LSAMP: variants seen among roughly 807,000 people sequenced by gnomAD.
LSAMP encodes the protein limbic system-associated membrane protein.
LSAMP carries 7 observed loss-of-function variants against 38.6 expected under a neutral mutation model. The observed-to-expected ratio is 0.18, with a 90% CI of 0.10 to 0.34. LSAMP has a LOEUF of 0.34. LSAMP is among the 10% of genes least tolerant of loss of function. The probability of loss-of-function intolerance (pLI) is 1.00; values close to 1 mark genes in which losing one functional copy is unlikely to be tolerated. For missense variants in LSAMP, 313 were observed against 420.0 expected (o/e 0.75, Z 2.23); for synonymous variants, 154 against 166.8 (o/e 0.92, Z 0.59).
chr3:115,834,559 G>A, intron 6 of LSAMP: 2 of 1,282,770 alleles, frequency 1.6e-6, no homozygotes, highest in Non-Finnish European at 2.0e-6. Flanking sequence ...AAATCATACT[G>A]ACCTTGAATG....
chr3:116,271,162 C>A (rs1034037359), intron 1 of LSAMP, among the ~76,000 whole-genome samples: 2 of 152,024 alleles, frequency 1.3e-5, no homozygotes, highest in Non-Finnish European at 2.9e-5. Flanking sequence ...AAACAGAATT[C>A]AGCTATTTCA....
At chr3:116,134,363 T>TA (rs1410761444) in intron 1 of LSAMP, among the ~76,000 whole-genome samples, 24 of 151,110 alleles carry the variant, frequency 1.6e-4, no homozygotes, top group Non-Finnish European at 2.2e-4. Flanking sequence ...AGAATTACCT[T>TA]AAAAAAAAAG....
intron 1 of LSAMP, among the ~76,000 whole-genome samples, chr3:116,208,944 G>A (rs1375205674): frequency 3.9e-5 from 6 of 152,210 alleles, no homozygotes; most frequent in South Asian, 2.1e-4. Context: ...GGAGCTTCCC[G>A]GCTGCTTTGT....
intron 3 of LSAMP, among the ~76,000 whole-genome samples, chr3:115,926,472 T>C (rs558084788): frequency 1.1e-4 from 16 of 152,336 alleles, no homozygotes; most frequent in Admixed American, 7.8e-4. Context: ...TGAGAACAGA[T>C]AAAATTTTTG....
chr3:116,103,549 C>T (rs1708395863), intron 1 of LSAMP, among the ~76,000 whole-genome samples: 2 of 143,392 alleles, frequency 1.4e-5, no homozygotes, highest in Admixed American at 6.8e-5. Flanking sequence ...CACTTCCTCT[C>T]ATTCCATCTT....
chr3:116,111,696 AC>A lies in LSAMP; in HGVS notation c.156-25141del, dbSNP rs372851712. ...GTATATTATTGCACAGATTTGCAAGACCATGTTTCTTTTCCGTTTCATTAAT... is the reference window on the plus strand; with the variant it reads ...GTATATTATTGCACAGATTTGCAAGACATGTTTCTTTTCCGTTTCATTAAT... On this transcript the variant is annotated intron_variant, in intron 1 of 6. Coordinates refer to ENST00000490035, the MANE Select transcript of LSAMP (RefSeq NM_002338.5). 3.9e-3 allele frequency among the ~76,000 whole-genome samples: 591 copies of A among 152,278 alleles called. 3 individuals carry two copies. The highest frequency in any genetic ancestry group is 0.014 in the African/African-American group (571 of 41,552).
intron 1 of LSAMP, among the ~76,000 whole-genome samples, chr3:116,162,692 CTCTA>C (rs537448274): frequency 8.1e-6 from 1 of 123,188 alleles, no homozygotes; most frequent in African/African-American, 3.0e-5. Flanking sequence ...CTCTCTCTCT[CTCTA>C]TATATATATA....
At chr3:116,065,191 A>G (rs1346259941) in intron 2 of LSAMP, among the ~76,000 whole-genome samples, 1 of 152,212 alleles carries the variant, frequency 6.6e-6, no homozygotes, top group Non-Finnish European at 1.5e-5. Context: ...GGGTTCTACG[A>G]ATAGCTGTTT....
chr3:115,990,486 C>G (rs1255376344), intron 3 of LSAMP, among the ~76,000 whole-genome samples: 1 of 151,992 alleles, frequency 6.6e-6, no homozygotes, highest in Admixed American at 6.6e-5. Context: ...CATACAAGGT[C>G]ATGTGTAAGA....
At chr3:116,407,606 C>T (rs1395895682) in intron 1 of LSAMP, among the ~76,000 whole-genome samples, 1 of 152,010 alleles carries the variant, frequency 6.6e-6, no homozygotes, top group Non-Finnish European at 1.5e-5. Flanking sequence ...ATGGAAGCAA[C>T]CTTGGGGTTG....
At chr3:115,885,268 G>T (rs1226836949) in intron 3 of LSAMP, among the ~76,000 whole-genome samples, 1 of 151,886 alleles carries the variant, frequency 6.6e-6, no homozygotes, top group Non-Finnish European at 1.5e-5. Flanking sequence ...TTAGGAGAGA[G>T]ATTTATACAC....
intron 3 of LSAMP, among the ~76,000 whole-genome samples, chr3:115,904,642 T>C (rs1009966389): frequency 2.0e-5 from 3 of 152,148 alleles, no homozygotes; most frequent in Non-Finnish European, 4.4e-5. Flanking sequence ...CAGAGTGATC[T>C]TTCTAAAATG....
intron 6 of LSAMP, among the ~76,000 whole-genome samples, chr3:115,815,151 GAGAA>G (rs1229238366): frequency 6.6e-6 from 1 of 152,138 alleles, no homozygotes. Flanking sequence ...GAGAGAGAGA[GAGAA>G]AGAGAAAGAT....
chr3:116,346,177 T>A (rs577737940), intron 1 of LSAMP, among the ~76,000 whole-genome samples: 3 of 152,276 alleles, frequency 2.0e-5, no homozygotes, highest in South Asian at 4.1e-4. Context: ...AATAACCATA[T>A]CTCCATTTCA....
rs368938656 is a variant in LSAMP at position 116,270,504 on chromosome 3, C to A, written c.155+174373G>T. On this transcript the variant is annotated intron_variant, in intron 1 of 6. Transcript: ENST00000490035. The stretch of plus-strand genomic sequence containing the variant: ...AGTAATACCAAAGATGGGTCTGAGG[C>A]CATCAGCAGTAGCCTCGGACCTTCA... 2.0e-5 allele frequency among the ~76,000 whole-genome samples: 3 copies of A among 152,182 alleles called. No homozygotes were observed. In the South Asian group the frequency reaches 6.2e-4, roughly 32 times the overall value.
chr3:116,286,870 C>T (rs2107688159), intron 1 of LSAMP, among the ~76,000 whole-genome samples: 1 of 148,846 alleles, frequency 6.7e-6, no homozygotes, highest in Non-Finnish European at 1.5e-5. Context: ...CCTCCCATAC[C>T]ATGTGTATTA....
At chr3:116,194,534 G>A (rs1223709292) in intron 1 of LSAMP, among the ~76,000 whole-genome samples, 3 of 152,014 alleles carry the variant, frequency 2.0e-5, no homozygotes, top group African/African-American at 4.8e-5. Context: ...AGCTGGGACT[G>A]CAGGAGCCCG....
chr3:116,417,157 T>C (rs1487645194), intron 1 of LSAMP, among the ~76,000 whole-genome samples: 2 of 152,210 alleles, frequency 1.3e-5, no homozygotes, highest in Non-Finnish European at 2.9e-5. Context: ...GGTGTGTATG[T>C]GTATCAACCA....
intron 1 of LSAMP, among the ~76,000 whole-genome samples, chr3:116,139,240 C>A (rs374668202): frequency 2.0e-5 from 3 of 151,930 alleles, no homozygotes; most frequent in African/African-American, 7.2e-5. Context: ...AGCAACTATT[C>A]TGCACCATGG....
Sources: gnomAD v4.1 joint callset for allele counts (sites outside exome capture counted in the v4.1 genomes callset) on GRCh38, gnomAD v4.1.1 for gene constraint, MANE v1.5 for transcripts, NCBI Gene and HGNC (gene_info 2026-07-23, HGNC 2026-07-21) for gene names.